WNT11: variants seen among roughly 807,000 people sequenced by gnomAD.
WNT11 encodes protein Wnt-11.
In WNT11, 20 loss-of-function variants were observed where a neutral mutation model predicts 35.6. The observed-to-expected ratio is 0.56, with a 90% CI of 0.40 to 0.82. The LOEUF is 0.82. Among genes scored for constraint, WNT11 ranks in the 40% least tolerant of loss-of-function variants. WNT11 has a pLI of 0.00. For synonymous variants in WNT11, 200 were observed against 211.9 expected, an observed-to-expected ratio of 0.94 and a Z score of 0.49; for missense variants, 459 against 504.4, an observed-to-expected ratio of 0.91 and a Z score of 0.86.
At chr11:76,187,435 A>G (rs1953114799) in intron 4 of WNT11, among the ~76,000 whole-genome samples, 196 bp from the exon 5 acceptor site, 3 of 152,090 alleles carry the variant, frequency 2.0e-5, no homozygotes, top group Admixed American at 6.5e-5. Context: ...CTATATTTCT[A>G]ATAAGGGGTT....
At position 76,197,856 on chromosome 11, in the gene WNT11, C is replaced by T. The variant is rs187885893; in HGVS notation, c.84-1138G>A. Among the ~76,000 whole-genome samples the T allele has an allele frequency of 1.9e-3, 287 of 152,252 alleles. 3 individuals carry two copies. The highest frequency in any genetic ancestry group is 6.5e-3 in the African/African-American group (269 of 41,544). ...AGCCTGCATCGGCAGCACTTAAGGA[C>T]CCCACAACCTTAAAGGACTCCACAT... On this transcript the variant is annotated intron_variant, in intron 1 of 4. Transcript: ENST00000322563.
upstream of WNT11, chr11:76,210,315 GA>G: frequency 5.3e-6 from 3 of 562,196 alleles, no homozygotes; most frequent in Non-Finnish European, 6.8e-6. Context: ...TGCTGCGGGG[GA>G]AAGGTATGGA....
rs1376883072 is a variant in WNT11, at chr11:76,206,360, C to G, written c.48G>C (p.Ala16=). Residue 16 remains alanine, a synonymous_variant, in exon 1 of 5, where the codon GCG becomes GCC. Transcript: ENST00000322563. ...QVCEALLFAL[A]LQTGVCYGIK... is the part of the protein sequence containing the mutation. The stretch of plus-strand genomic sequence containing the variant: ...TGCCATAGCACACGCCGGTCTGGAG[C>G]GCCAGGGCGAAGAGCAGCGCCTCGC... 6 of 1,570,606 alleles carry G rather than the reference C, an allele frequency of 3.8e-6. No homozygotes were observed. The African/African-American group carries it at 5.5e-5, about 14-fold the overall frequency.
chr11:76,187,882 A>G (rs1424993755), intron 4 of WNT11, among the ~76,000 whole-genome samples: 1 of 148,836 alleles, frequency 6.7e-6, no homozygotes, highest in Non-Finnish European at 1.5e-5. Context: ...TTTATGTGTA[A>G]CCTTTTACAG....
In WNT11 at chr11:76,196,596, A is replaced by T; in HGVS notation, c.206T>A (p.Val69Glu). The T allele has an allele frequency of 6.2e-7, 1 of 1,613,590 alleles. No individual in the cohort carries two copies. The highest frequency in any genetic ancestry group is 8.5e-7 in the Non-Finnish European group (1 of 1,180,024). ...CATGACCTCGCGGGCGGCGTGCACC[A>T]CCGTGTGCATGAGCTCCAGGTTGCT... ...CRSNLELMHT[V>E]VHAAREVMKA... Residue 69 changes from valine (V) to glutamate (E), a missense_variant, in exon 2 of 5, where the codon GTG (valine) becomes GAG (glutamate). By Grantham distance (121) the Val-to-Glu change is moderately radical. Transcript: ENST00000322563.
At chr11:76,198,849 AG>A (rs1482074572) in intron 1 of WNT11, among the ~76,000 whole-genome samples, 1 of 152,168 alleles carries the variant, frequency 6.6e-6, no homozygotes, top group Non-Finnish European at 1.5e-5. Flanking sequence ...AGAAATGATA[AG>A]GCCAGGCGCG....
At chr11:76,199,077 G>A (rs897595732) in intron 1 of WNT11, among the ~76,000 whole-genome samples, 30 of 152,214 alleles carry the variant, frequency 2.0e-4, no homozygotes, top group African/African-American at 7.2e-4. Flanking sequence ...AGGTTTCAGT[G>A]AGCCGAGATT....
chr11:76,196,618 T>G lies in WNT11; in HGVS notation c.184A>C (p.Asn62His). 1 of 1,613,708 alleles carries G rather than the reference T, an allele frequency of 6.2e-7. No individual in the cohort carries two copies. The highest frequency in any genetic ancestry group is 8.5e-7 in the Non-Finnish European group (1 of 1,180,028). Residue 62 changes from asparagine (N) to histidine (H), a missense_variant, in exon 2 of 5, where the codon AAC becomes CAC. Physicochemically the swap from Asn to His is moderately conservative, Grantham distance 68. Transcript: ENST00000322563. ...ACCACCGTGTGCATGAGCTCCAGGTTGCTGCGGCACAGCTGCACCTGTGCA... is the reference window on the plus strand; with the variant it reads ...ACCACCGTGTGCATGAGCTCCAGGTGGCTGCGGCACAGCTGCACCTGTGCA... Reference protein sequence around the residue: ...VSAQVQLCRSNLELMHTVVHA... With the variant: ...VSAQVQLCRSHLELMHTVVHA...
chr11:76,191,449 G>A (rs2134570169), intron 4 of WNT11, 115 bp downstream of exon 4: 1 of 1,222,184 alleles, frequency 8.2e-7, no homozygotes, highest in East Asian at 2.3e-5. Flanking sequence ...CAACTGAGCA[G>A]GGTCTCCATT....
At chr11:76,208,412 T>C (rs1044246066), upstream of WNT11, among the ~76,000 whole-genome samples, 3 of 152,236 alleles carry the variant, frequency 2.0e-5, no homozygotes, top group Non-Finnish European at 4.4e-5. Context: ...AGAGGGGTTC[T>C]CGGTGTAACC....
rs767000407 is a variant in WNT11 at position 76,191,700 on chromosome 11, T to G, written c.754A>C (p.Met252Leu). ...LSATKVVHRPMGTRKHLVPKD... is the reference protein window; with the variant it reads ...LSATKVVHRPLGTRKHLVPKD... ...GGCACCAGGTGCTTGCGGGTGCCCA[T>G]GGGTCGGTGCACTACCTTGGTGGCC... The change falls in exon 4 of 5, where the codon ATG becomes CTG. Residue 252 changes from methionine to leucine, a missense_variant. Coordinates refer to ENST00000322563, the MANE Select transcript of WNT11 (RefSeq NM_004626.3). 6 of 1,613,846 alleles carry G rather than the reference T, an allele frequency of 3.7e-6. No individual in the cohort carries two copies. The highest frequency in any genetic ancestry group is 2.7e-5 in the African/African-American group (2 of 74,940).
intron 1 of WNT11, among the ~76,000 whole-genome samples, chr11:76,201,952 T>C (rs1021020889): frequency 2.0e-5 from 3 of 152,132 alleles, no homozygotes; most frequent in Non-Finnish European, 4.4e-5. Context: ...CTTCACAGCA[T>C]CCCTCTCCCT....
intron 1 of WNT11, among the ~76,000 whole-genome samples, chr11:76,205,668 C>T: frequency 6.6e-6 from 1 of 152,240 alleles, no homozygotes; most frequent in East Asian, 1.9e-4. Context: ...ACCCCCAGCC[C>T]CCTGAGCAGG....
At chr11:76,201,248 G>A (rs1309034168) in intron 1 of WNT11, among the ~76,000 whole-genome samples, 6 of 152,350 alleles carry the variant, frequency 3.9e-5, no homozygotes, top group South Asian at 2.1e-4. Context: ...CCAGGGGCCC[G>A]CCTTGGAGGC....
intron 1 of WNT11, among the ~76,000 whole-genome samples, chr11:76,200,454 T>G (rs1953357592): frequency 6.6e-6 from 1 of 152,174 alleles, no homozygotes; most frequent in Admixed American, 6.5e-5. Context: ...CTCTTCCACC[T>G]CCACCCAGCA....
In WNT11 at chr11:76,206,388, A is replaced by G; in HGVS notation, c.20T>C (p.Val7Ala). The change falls in exon 1 of 5, where the codon GTC becomes GCC. Residue 7 changes from valine to alanine, a missense_variant. Val to Ala is a moderately conservative substitution (Grantham distance 64, BLOSUM62 0). Transcript: ENST00000322563. The part of the protein sequence containing the change: MRARPQ[V>A]CEALLFALAL... Reference sequence around the variant, plus strand: ...CAGGGCGAAGAGCAGCGCCTCGCAGACCTGCGGCCGCGCCCTCATCGTCGC... The same window carrying G: ...CAGGGCGAAGAGCAGCGCCTCGCAGGCCTGCGGCCGCGCCCTCATCGTCGC... The G allele has an allele frequency of 6.5e-7, 1 of 1,543,084 alleles. No homozygotes were observed. The highest frequency in any genetic ancestry group is 1.2e-5 in the South Asian group (1 of 82,768).
rs772168875 is a variant in WNT11, at chr11:76,194,794, G to A, written c.370C>T (p.His124Tyr). ...GAGGTGCAGGCCCGGGCGATGGCGT[G>A]GCTGATGGCGGCGGCCGACAGCGCA... is the stretch of plus-strand genomic sequence containing the variant. ...VYALSAAAIS[H>Y]AIARACTSGD... The change falls in exon 3 of 5, where the codon CAC (histidine) becomes TAC (tyrosine). Residue 124 changes from histidine to tyrosine, a missense_variant. Transcript: ENST00000322563. The surrounding 1 kb of genome is among the most constrained non-coding windows in gnomAD (Gnocchi z 5.4). 2 of 1,550,244 alleles carry A rather than the reference G, an allele frequency of 1.3e-6. No homozygotes were observed. The highest frequency in any genetic ancestry group is 2.4e-5 in the South Asian group (2 of 84,322).
Position 76,186,735 on chromosome 11 carries a change from G to A in WNT11, c.*330C>T. 4.7e-6 allele frequency: 2 copies of A among 428,660 alleles called. No individual in the cohort carries two copies. Among genetic ancestry groups the A allele is most frequent in the Non-Finnish European group, 9.2e-6 (2 of 218,324 alleles). 26.6% of individuals were successfully genotyped at this position (428,660 alleles called of 1,614,324 possible). On this transcript the variant is annotated 3_prime_UTR_variant, in exon 5 of 5. Coordinates refer to ENST00000322563, the MANE Select transcript of WNT11 (RefSeq NM_004626.3). ...CGGGCAGACCCCTTCCCGGAGGCTG[G>A]TCTCTGTGGCCCTGAAAGGTCAAGT...
At chr11:76,205,569 T>C (rs1953458405) in intron 1 of WNT11, among the ~76,000 whole-genome samples, 1 of 152,160 alleles carries the variant, frequency 6.6e-6, no homozygotes. Context: ...CTTGGACACT[T>C]GTGGAGTTAT....
Sources: allele counts gnomAD v4.1 joint callset (sites outside exome capture counted in the v4.1 genomes callset), GRCh38; gene constraint gnomAD v4.1.1; non-coding constraint Gnocchi (gnomAD v3.1); transcripts MANE v1.5; gene names NCBI Gene and HGNC (gene_info 2026-07-23, HGNC 2026-07-21).